The following PTK2 variants were observed in gnomAD, a reference collection of about 807,000 sequenced individuals.
PTK2 encodes focal adhesion kinase 1.
A neutral mutation model predicts 150.1 loss-of-function variants in PTK2; 45 were observed. The observed-to-expected ratio is 0.30, with a 90% CI of 0.24 to 0.38. PTK2 has a LOEUF of 0.38. PTK2 is among the 10% of genes least tolerant of loss of function. The probability of loss-of-function intolerance (pLI) is 1.00; values close to 1 mark genes in which losing one functional copy is unlikely to be tolerated. For missense variants in PTK2, 919 were observed against 1,307.3 expected (o/e 0.70, Z 4.58); for synonymous variants, 432 against 449.2 (o/e 0.96, Z 0.48).
At chr8:141,000,127 C>CACACA (rs58481152) in intron 1 of PTK2, among the ~76,000 whole-genome samples, 7,646 of 123,588 alleles carry the variant, frequency 0.062, 451 homozygotes, top group East Asian at 0.16. Context: ...ACACACACAC[C>CACACA]CCTTCTTCTA....
intron 14 of PTK2, among the ~76,000 whole-genome samples, chr8:140,773,068 G>C (rs2100076427): frequency 6.6e-6 from 1 of 152,204 alleles, no homozygotes; most frequent in Non-Finnish European, 1.5e-5. Context: ...CACTCCACAA[G>C]TGCTAGCTCT....
At chr8:140,832,904 T>G (rs749693978) in intron 7 of PTK2, 1 of 518,994 alleles carries the variant, frequency 1.9e-6, no homozygotes, top group South Asian at 1.4e-5. Context: ...CACGTCAGTA[T>G]TTGGGTGAGG....
intron 2 of PTK2, among the ~76,000 whole-genome samples, chr8:140,904,467 TTGTG>T (rs960826407): frequency 1.3e-5 from 2 of 152,198 alleles, no homozygotes; most frequent in African/African-American, 4.8e-5. Context: ...TCTTTTTTTC[TTGTG>T]TGTCTGCCAA....
chr8:140,867,234 G>A (rs2100139872), intron 4 of PTK2, among the ~76,000 whole-genome samples: 1 of 152,174 alleles, frequency 6.6e-6, no homozygotes. Flanking sequence ...CCATGCAGAA[G>A]AGACAATGGG....
At chr8:140,749,593 G>C (rs536280793) in intron 17 of PTK2, among the ~76,000 whole-genome samples, 6 of 152,180 alleles carry the variant, frequency 3.9e-5, no homozygotes, top group African/African-American at 1.4e-4. Flanking sequence ...ACATATTCTT[G>C]CTCATTCTTT....
At chr8:140,754,066 C>T (rs1554897322) in intron 16 of PTK2, among the ~76,000 whole-genome samples, 1 of 152,000 alleles carries the variant, frequency 6.6e-6, no homozygotes, top group Non-Finnish European at 1.5e-5. Flanking sequence ...TATGTGTTTC[C>T]AGGAAATAAA....
chr8:140,997,452 C>A (rs2100198211), intron 1 of PTK2, among the ~76,000 whole-genome samples: 3 of 152,216 alleles, frequency 2.0e-5, no homozygotes. Flanking sequence ...CTGGAGAAAT[C>A]TTTAATGAAA....
At chr8:140,868,902 A>T (rs1477884282) in intron 4 of PTK2, among the ~76,000 whole-genome samples, 2 of 152,270 alleles carry the variant, frequency 1.3e-5, no homozygotes, top group East Asian at 3.9e-4. Flanking sequence ...AAATGTGAAT[A>T]AGTCATATAG....
At position 140,928,338 on chromosome 8, in the gene PTK2, C is replaced by G. The variant is rs145628324; in HGVS notation, c.-121-2589G>C. On this transcript the variant is annotated intron_variant, in intron 1 of 31. Transcript: ENST00000522684. ...TGGCAAGGATATGAAGAAATCGAAACCCTTGTGTATTGTTGGTGGGAATGT... is the reference window on the plus strand; with the variant it reads ...TGGCAAGGATATGAAGAAATCGAAAGCCTTGTGTATTGTTGGTGGGAATGT... Among the ~76,000 whole-genome samples the G allele has an allele frequency of 2.5e-3, 387 of 152,162 alleles. 1 individual carries two copies. Among genetic ancestry groups the G allele is most frequent in the Non-Finnish European group, 4.6e-3 (311 of 67,990 alleles).
chr8:140,917,364 G>A (rs1172922159), intron 2 of PTK2, among the ~76,000 whole-genome samples: 2 of 151,800 alleles, frequency 1.3e-5, no homozygotes, highest in East Asian at 1.9e-4. Flanking sequence ...AAGGACAGGA[G>A]AGGGGAGGGG....
chr8:140,830,812 CCT>C (rs1216088209), intron 7 of PTK2, among the ~76,000 whole-genome samples: 1 of 151,322 alleles, frequency 6.6e-6, no homozygotes, highest in Admixed American at 6.6e-5. Flanking sequence ...TAAAATATTC[CCT>C]CTTTGTAAAT....
At chr8:140,734,316 G>A (rs1265325285) in intron 22 of PTK2, among the ~76,000 whole-genome samples, 4 of 152,208 alleles carry the variant, frequency 2.6e-5, no homozygotes, top group Admixed American at 2.6e-4. Flanking sequence ...AGCTTCTCAT[G>A]CCTATGTGTT....
At chr8:140,659,440 T>TAG in exon 32 of PTK2, 2 of 1,581,414 alleles carry the variant, frequency 1.3e-6, no homozygotes, top group South Asian at 1.1e-5. Context: ...CAAAAGAGGG[T>TAG]AGCAAGACGT....
At chr8:140,675,643 G>A in intron 27 of PTK2, 144 bp from the exon 31 acceptor site, 1 of 627,520 alleles carries the variant, frequency 1.6e-6, no homozygotes, top group Non-Finnish European at 2.8e-6. Flanking sequence ...TTCTGCATAA[G>A]GTCTCAGTTG....
chr8:140,732,386 G>A (rs769359785), intron 22 of PTK2, among the ~76,000 whole-genome samples: 3 of 152,178 alleles, frequency 2.0e-5, no homozygotes, highest in South Asian at 2.1e-4. Context: ...CCTATTTAAA[G>A]TAATTATATG....
At chr8:140,738,270 A>G (rs2100053723) in intron 21 of PTK2, among the ~76,000 whole-genome samples, 1 of 152,218 alleles carries the variant, frequency 6.6e-6, no homozygotes, top group South Asian at 2.1e-4. Flanking sequence ...CTGGAAGAAG[A>G]AGGTATCAGG....
intron 1 of PTK2, among the ~76,000 whole-genome samples, chr8:140,930,605 T>C (rs1737107683): frequency 6.6e-6 from 1 of 152,226 alleles, no homozygotes; most frequent in African/African-American, 2.4e-5. Flanking sequence ...TTTTGAAACA[T>C]TTTCTAATTT....
At chr8:140,850,709 G>A (rs574296842) in intron 5 of PTK2, among the ~76,000 whole-genome samples, 2 of 152,174 alleles carry the variant, frequency 1.3e-5, no homozygotes, top group African/African-American at 4.8e-5. Context: ...CAGCCTGGGC[G>A]ACAGAGCGAG....
At chr8:140,918,174 G>A (rs915360898) in intron 2 of PTK2, among the ~76,000 whole-genome samples, 2 of 152,154 alleles carry the variant, frequency 1.3e-5, no homozygotes, top group East Asian at 3.9e-4. Context: ...GCAACAGAAG[G>A]TATAAACGCC....
Sources: gnomAD v4.1 joint callset for allele counts (sites outside exome capture counted in the v4.1 genomes callset) on GRCh38, gnomAD v4.1.1 for gene constraint, MANE v1.5 for transcripts, NCBI Gene and HGNC (gene_info 2026-07-23, HGNC 2026-07-21) for gene names.